The following TDRD12 variants were observed in gnomAD, a reference collection of about 807,000 sequenced individuals.
The protein encoded by TDRD12 is tudor domain containing 12.
A neutral mutation model predicts 133.5 loss-of-function variants in TDRD12; 158 were observed. The observed-to-expected ratio is 1.18, with a 90% CI of 1.04 to 1.35. The LOEUF is 1.35. TDRD12 is among the 40% of genes most tolerant of loss of function. The pLI, the probability that TDRD12 is intolerant of heterozygous loss-of-function variation, is 0.00. For missense variants in TDRD12, 1,443 were observed against 1,321.3 expected, an observed-to-expected ratio of 1.09 and a Z score of -1.43; for synonymous variants, 460 against 477.9, an observed-to-expected ratio of 0.96 and a Z score of 0.49.
chr19:32,780,084 C>CTTTTTTTTTTTTTT (rs11395360), intron 11 of TDRD12, among the ~76,000 whole-genome samples: 2 of 127,772 alleles, frequency 1.6e-5, no homozygotes, highest in Non-Finnish European at 1.6e-5. Flanking sequence ...TTTTTCTTTT[C>CTTTTTTTTTTTTTT]TTTTTTTTTT....
chr19:32,803,014 C>T (rs1484983156), exon 21 of TDRD12: 1 of 1,536,082 alleles, frequency 6.5e-7, no homozygotes, highest in African/African-American at 1.4e-5. Flanking sequence ...TCCTGCGCTA[C>T]TTGGAGCGAG....
intron 4 of TDRD12, among the ~76,000 whole-genome samples, chr19:32,746,046 G>GAC (rs1426005986): frequency 2.3e-4 from 35 of 150,774 alleles, no homozygotes; most frequent in Non-Finnish European, 4.1e-4. Context: ...TTCTGTGTGT[G>GAC]TGAGAGAGAG....
chr19:32,779,004 G>C (rs997969061), intron 11 of TDRD12, among the ~76,000 whole-genome samples: 2 of 152,196 alleles, frequency 1.3e-5, no homozygotes, highest in African/African-American at 2.4e-5. Flanking sequence ...ACACAGGGAT[G>C]ACCTGGTGAT....
chr19:32,798,271 G>A (rs766466333), intron 15 of TDRD12, 37 bp from the exon 16 acceptor site: 11 of 1,514,382 alleles, frequency 7.3e-6, no homozygotes, highest in Non-Finnish European at 8.9e-6. Flanking sequence ...AAAACCTGTG[G>A]AAAATTGAAA....
intron 11 of TDRD12, among the ~76,000 whole-genome samples, chr19:32,782,542 A>G (rs756283184): frequency 1.3e-5 from 2 of 152,214 alleles, no homozygotes; most frequent in African/African-American, 4.8e-5. Context: ...GAATCACCAC[A>G]CTGTCTTCCA....
intron 3 of TDRD12, 102 bp from the exon 4 acceptor site, chr19:32,742,679 T>A (rs765909374): frequency 1.6e-5 from 19 of 1,221,456 alleles, no homozygotes; most frequent in Non-Finnish European, 1.9e-5. Flanking sequence ...TTTTTGTGTG[T>A]TTTGTTTTAC....
At position 32,778,855 on chromosome 19, in the gene TDRD12, T is replaced by C. The variant is rs187866634; in HGVS notation, c.1121+1626T>C. The stretch of plus-strand genomic sequence containing the variant: ...TCGTATTAAAAAGTTCTGTCTTGTC[T>C]CCTGTTCTGTTAAAATGCCCTTTAC... On this transcript the variant is annotated intron_variant, in intron 11 of 27. Transcript: ENST00000444215. Among the ~76,000 whole-genome samples the C allele has an allele frequency of 2.1e-3, 314 of 152,326 alleles. 2 individuals carry two copies. The highest frequency in any genetic ancestry group is 7.3e-3 in the African/African-American group (304 of 41,568).
chr19:32,780,602 C>T (rs1028971518), intron 11 of TDRD12, among the ~76,000 whole-genome samples: 2 of 152,112 alleles, frequency 1.3e-5, no homozygotes, highest in African/African-American at 4.8e-5. Context: ...ATCACACCCA[C>T]ACGTCTGTTC....
chr19:32,746,031 G>A (rs1969607753), intron 4 of TDRD12, among the ~76,000 whole-genome samples: 1 of 134,880 alleles, frequency 7.4e-6, no homozygotes, highest in African/African-American at 2.9e-5. Flanking sequence ...TGGCTGATGT[G>A]GTTATTCTGT....
chr19:32,747,440 A>G (rs1471574993), intron 4 of TDRD12, among the ~76,000 whole-genome samples: 1 of 152,176 alleles, frequency 6.6e-6, no homozygotes, highest in African/African-American at 2.4e-5. Context: ...TAAGTGTTCT[A>G]TGTACATTAT....
At chr19:32,780,795 GTT>G (rs35298502) in intron 11 of TDRD12, among the ~76,000 whole-genome samples, 1 of 143,314 alleles carries the variant, frequency 7.0e-6, no homozygotes, top group Non-Finnish European at 1.5e-5. Flanking sequence ...CTTTCCTTGG[GTT>G]TTTTTTTTTT....
chr19:32,815,878 C>T (rs909514484), intron 26 of TDRD12, among the ~76,000 whole-genome samples: 2 of 152,084 alleles, frequency 1.3e-5, no homozygotes, highest in East Asian at 1.9e-4. Flanking sequence ...CCTGTAATCC[C>T]TGTTACTCGG....
At chr19:32,763,785 G>A (rs572354798) in intron 8 of TDRD12, among the ~76,000 whole-genome samples, 2 of 152,268 alleles carry the variant, frequency 1.3e-5, no homozygotes, top group South Asian at 4.1e-4. Flanking sequence ...TACAGTTCAG[G>A]TTTCCCTCCT....
intron 4 of TDRD12, among the ~76,000 whole-genome samples, chr19:32,743,122 A>T (rs1373500884): frequency 6.6e-6 from 1 of 152,246 alleles, no homozygotes; most frequent in African/African-American, 2.4e-5. Context: ...AACTTACAAA[A>T]AGTAATAAAT....
At position 32,790,599 on chromosome 19, in the gene TDRD12, A is replaced by T; in HGVS notation, c.1182+8A>T. Reference sequence around the variant, plus strand: ...ATCTCTGATCTCCAGCAGGTATTACAGGCCCTAAAAAAAGTAAAATAAAAA... The same window carrying T: ...ATCTCTGATCTCCAGCAGGTATTACTGGCCCTAAAAAAAGTAAAATAAAAA... On this transcript the variant is annotated splice_region_variant and intron_variant, in intron 12 of 27. Transcript: ENST00000444215. 6.4e-7 allele frequency: 1 copy of T among 1,551,750 alleles called. No individual in the cohort carries two copies. The highest frequency in any genetic ancestry group is 8.7e-7 in the Non-Finnish European group (1 of 1,147,016).
chr19:32,738,612 G>A (rs1422920929), intron 2 of TDRD12, among the ~76,000 whole-genome samples: 1 of 152,132 alleles, frequency 6.6e-6, no homozygotes, highest in Admixed American at 6.5e-5. Context: ...TAAGGAGTTT[G>A]AGACCAGCTT....
intron 26 of TDRD12, among the ~76,000 whole-genome samples, chr19:32,816,796 CAAG>C (rs1314077143): frequency 6.6e-6 from 1 of 152,186 alleles, no homozygotes; most frequent in African/African-American, 2.4e-5. Context: ...GGATCTGTAT[CAAG>C]AACTCCTTCC....
chr19:32,817,407 C>G (rs1967217672), intron 26 of TDRD12, among the ~76,000 whole-genome samples: 1 of 152,078 alleles, frequency 6.6e-6, no homozygotes, highest in Non-Finnish European at 1.5e-5. Flanking sequence ...AGTGTAAGGT[C>G]CTCAAGGTCC....
chr19:32,808,718 T>A (rs899475147), intron 22 of TDRD12, among the ~76,000 whole-genome samples: 12 of 152,296 alleles, frequency 7.9e-5, no homozygotes, highest in South Asian at 2.1e-4. Context: ...ATTGAATTTT[T>A]AAAAAAATTT....
Sources: allele counts gnomAD v4.1 joint callset (sites outside exome capture counted in the v4.1 genomes callset), GRCh38; gene constraint gnomAD v4.1.1; transcripts MANE v1.5; gene names NCBI Gene and HGNC (gene_info 2026-07-23, HGNC 2026-07-21).